The following CCSER1 variants were observed in gnomAD, a reference collection of about 807,000 sequenced individuals.
CCSER1 encodes the protein coiled-coil serine rich protein 1, also known as serine-rich coiled-coil domain-containing protein 1.
CCSER1 carries 41 observed loss-of-function variants against 82.0 expected under a neutral mutation model. The ratio of observed to expected loss-of-function variants is 0.50; its 90% CI spans 0.39 to 0.65. The LOEUF is 0.65. Among genes scored for constraint, CCSER1 ranks in the 30% least tolerant of loss-of-function variants. The probability of loss-of-function intolerance (pLI) is 0.00; values close to 1 mark genes in which losing one functional copy is unlikely to be tolerated. For synonymous variants in CCSER1, 414 were observed against 383.9 expected (o/e 1.08, Z -0.92); for missense variants, 1,119 against 1,064.2 (o/e 1.05, Z -0.72).
chr4:91,142,008 T>A (rs1729078914), intron 10 of CCSER1, among the ~76,000 whole-genome samples: 1 of 152,204 alleles, frequency 6.6e-6, no homozygotes, highest in African/African-American at 2.4e-5. Context: ...ATATTAGACC[T>A]TTGTCAGATT....
rs887526617 is a variant in CCSER1, at chr4:90,441,239, C to T, written c.1604-26995C>T. ...CCTCTCTCTGCTTGTGTTAAACTTCCCCAAAGTTGCCTATATTATTGTCGT... is the reference window on the plus strand; with the variant it reads ...CCTCTCTCTGCTTGTGTTAAACTTCTCCAAAGTTGCCTATATTATTGTCGT... On this transcript the variant is annotated intron_variant, in intron 4 of 10. Transcript: ENST00000509176. 5.9e-5 allele frequency among the ~76,000 whole-genome samples: 9 copies of T among 152,188 alleles called. No individual in the cohort carries two copies. The East Asian group carries it at 1.7e-3, about 29-fold the overall frequency.
chr4:90,307,809 G>A (rs899260149), intron 1 of CCSER1, among the ~76,000 whole-genome samples: 14 of 152,122 alleles, frequency 9.2e-5, no homozygotes, highest in Non-Finnish European at 1.5e-5. Flanking sequence ...ACTTCTAGTG[G>A]TCTCTGACAG....
At chr4:90,660,839 T>C (rs921672856) in intron 6 of CCSER1, among the ~76,000 whole-genome samples, 6 of 152,322 alleles carry the variant, frequency 3.9e-5, no homozygotes, top group African/African-American at 1.4e-4. Context: ...ATATATTTGA[T>C]GGATTTCGCA....
chr4:90,841,869 T>G (rs1580732528), intron 8 of CCSER1, among the ~76,000 whole-genome samples: 1 of 152,314 alleles, frequency 6.6e-6, no homozygotes, highest in South Asian at 2.1e-4. Context: ...AGTAAAAAAC[T>G]GTGGTTTCTC....
At chr4:91,557,336 T>C (rs1056747160) in intron 10 of CCSER1, among the ~76,000 whole-genome samples, 28 of 151,480 alleles carry the variant, frequency 1.8e-4, no homozygotes, top group African/African-American at 5.6e-4. Flanking sequence ...AGTTATAAGA[T>C]AGCCCTGAAG....
At chr4:90,605,259 T>G (rs1030248364) in intron 5 of CCSER1, among the ~76,000 whole-genome samples, 1 of 152,216 alleles carries the variant, frequency 6.6e-6, no homozygotes. Flanking sequence ...AGCTTCATTC[T>G]TGAAGTCAGC....
At chr4:90,869,825 C>A (rs1766219373) in intron 8 of CCSER1, among the ~76,000 whole-genome samples, 1 of 151,804 alleles carries the variant, frequency 6.6e-6, no homozygotes, top group African/African-American at 2.4e-5. Context: ...ATTGGGTCTT[C>A]TAATCCATGG....
intron 7 of CCSER1, among the ~76,000 whole-genome samples, chr4:90,751,641 A>G (rs1347575757): frequency 6.6e-6 from 1 of 152,062 alleles, no homozygotes; most frequent in Non-Finnish European, 1.5e-5. Context: ...TTGACTTATG[A>G]TATTATTTTC....
At chr4:90,666,664 A>G (rs1005101258) in intron 6 of CCSER1, among the ~76,000 whole-genome samples, 6 of 152,196 alleles carry the variant, frequency 3.9e-5, no homozygotes, top group African/African-American at 7.2e-5. Context: ...AGAAAAAGCT[A>G]TCTTCAACTG....
intron 1 of CCSER1, among the ~76,000 whole-genome samples, chr4:90,240,105 C>T (rs539484191): frequency 2.0e-5 from 3 of 152,242 alleles, no homozygotes; most frequent in Non-Finnish European, 4.4e-5. Flanking sequence ...GAGAAGTTTT[C>T]GAGTTTGGCT....
chr4:91,088,897 A>G (rs1723655666), intron 10 of CCSER1, among the ~76,000 whole-genome samples: 1 of 151,904 alleles, frequency 6.6e-6, no homozygotes, highest in Non-Finnish European at 1.5e-5. Flanking sequence ...AGTTACTGTA[A>G]TTTTTCTTAA....
intron 3 of CCSER1, among the ~76,000 whole-genome samples, chr4:90,373,112 A>G (rs1163702651): frequency 1.3e-5 from 2 of 152,062 alleles, no homozygotes; most frequent in Non-Finnish European, 2.9e-5. Context: ...AACAGGACTC[A>G]AACAGATATC....
At chr4:91,453,131 AT>A (rs1369203988) in intron 10 of CCSER1, among the ~76,000 whole-genome samples, 28 of 152,014 alleles carry the variant, frequency 1.8e-4, no homozygotes, top group African/African-American at 6.3e-4. Context: ...ATACATTATC[AT>A]TTGGTCATTT....
intron 10 of CCSER1, among the ~76,000 whole-genome samples, chr4:91,379,924 C>G (rs1201623370): frequency 6.6e-6 from 1 of 152,156 alleles, no homozygotes; most frequent in Non-Finnish European, 1.5e-5. Context: ...TTAAATGTGT[C>G]CCAGAGATTC....
At chr4:90,432,171 A>T (rs1158442178) in intron 4 of CCSER1, among the ~76,000 whole-genome samples, 1 of 152,158 alleles carries the variant, frequency 6.6e-6, no homozygotes, top group Non-Finnish European at 1.5e-5. Flanking sequence ...AAGTCTTAGT[A>T]ACTATAACCT....
rs1262155043 is a variant in CCSER1, at chr4:90,784,294, T to G, written c.2011-31468T>G. Among the ~76,000 whole-genome samples, 4 of 152,186 alleles carry G rather than the reference T, an allele frequency of 2.6e-5. No individual in the cohort carries two copies. The South Asian group carries it at 8.3e-4, about 32-fold the overall frequency. ...CCCCATCATCCTGGATAATGGAAAGTGTTCTCTATATGAAGACAATTTATA... is the reference window on the plus strand; with the variant it reads ...CCCCATCATCCTGGATAATGGAAAGGGTTCTCTATATGAAGACAATTTATA... On this transcript the variant is annotated intron_variant, in intron 7 of 10. Coordinates refer to ENST00000509176, the MANE Select transcript of CCSER1 (RefSeq NM_001145065.2).
rs1422522768 is a variant in CCSER1, at chr4:91,003,402, C to T, written c.2172+79955C>T. 2.0e-5 allele frequency among the ~76,000 whole-genome samples: 3 copies of T among 152,034 alleles called. No homozygotes were observed. In the South Asian group the frequency reaches 6.2e-4, roughly 32 times the overall value. On this transcript the variant is annotated intron_variant, in intron 9 of 10. Transcript: ENST00000509176. ...TCTCCTTGGGTGGGTCTTACTGAGG[C>T]TGCTGTGGGGATGGCGGTGAGGTTC...
intron 5 of CCSER1, among the ~76,000 whole-genome samples, chr4:90,475,764 T>C (rs1012518473): frequency 6.6e-6 from 1 of 152,162 alleles, no homozygotes; most frequent in African/African-American, 2.4e-5. Context: ...CATGCACCCA[T>C]GACTAGGGAA....
chr4:91,192,492 T>C (rs139040578), intron 10 of CCSER1, among the ~76,000 whole-genome samples: 1,953 of 152,288 alleles, frequency 0.013, 14 homozygotes, highest in Non-Finnish European at 0.019. Flanking sequence ...TAGGAAATTA[T>C]CTATTTTACT....
Sources: gnomAD v4.1 joint callset for allele counts (sites outside exome capture counted in the v4.1 genomes callset) on GRCh38, gnomAD v4.1.1 for gene constraint, MANE v1.5 for transcripts, NCBI Gene and HGNC (gene_info 2026-07-23, HGNC 2026-07-21) for gene names.